Variants in TAF8 observed in about 807,000 individuals in gnomAD.
The protein encoded by TAF8 is TATA-box binding protein associated factor 8, also known as transcription initiation factor TFIID subunit 8.
Under a neutral mutation model 36.5 loss-of-function variants are expected in TAF8, and 47 were observed. The ratio of observed to expected loss-of-function variants is 1.29; its 90% CI spans 1.02 to 1.64. The LOEUF (loss-of-function observed/expected upper bound fraction) is 1.64, where lower values mean the gene tolerates loss of function less well. Ranked by LOEUF, TAF8 falls within the 40% of genes most tolerant of loss-of-function variation. TAF8 has a pLI of 0.00. For missense variants in TAF8, 420 were observed against 407.6 expected (o/e 1.03, Z -0.26); for synonymous variants, 175 against 159.5 (o/e 1.10, Z -0.73).
At chr6:42,070,237 C>G (rs934988861) in intron 7 of TAF8, among the ~76,000 whole-genome samples, 3 of 152,124 alleles carry the variant, frequency 2.0e-5, no homozygotes, top group African/African-American at 7.2e-5. Flanking sequence ...GTCTGTAATC[C>G]TAGCACTTTG....
intron 5 of TAF8, 27 bp from the exon 6 acceptor site, chr6:42,066,285 C>G: frequency 6.2e-7 from 1 of 1,611,756 alleles, no homozygotes; most frequent in East Asian, 2.2e-5. Flanking sequence ...CGGCATCACC[C>G]CAGTGTCTTT....
chr6:42,069,252 T>C (rs1183416566), intron 7 of TAF8, among the ~76,000 whole-genome samples: 2 of 152,076 alleles, frequency 1.3e-5, no homozygotes, highest in East Asian at 3.9e-4. Flanking sequence ...CCACTGGAGA[T>C]GTTGAGCAGA....
At chr6:42,054,373 A>G (rs935746244) in intron 2 of TAF8, among the ~76,000 whole-genome samples, 1 of 152,174 alleles carries the variant, frequency 6.6e-6, no homozygotes, top group Non-Finnish European at 1.5e-5. Context: ...TAAGTGTACA[A>G]TTCAGTGGTA....
At position 42,079,822 on chromosome 6, in the gene TAF8, G is replaced by C. The variant is rs1765868474; in HGVS notation, c.*2277G>C. On this transcript the variant is annotated 3_prime_UTR_variant, in exon 9 of 9. Coordinates refer to ENST00000372977, the MANE Select transcript of TAF8 (RefSeq NM_138572.3). ...ACCCGCCTTGGCCTTCCAAAGTGTT[G>C]AGATTACAGGCGTGAGCCACGGTGC... 2 of 983,656 alleles carry C rather than the reference G, an allele frequency of 2.0e-6. No individual in the cohort carries two copies. The highest frequency in any genetic ancestry group is 2.4e-6 in the Non-Finnish European group (2 of 829,186). 60.9% of individuals were successfully genotyped at this position (983,656 alleles called of 1,614,324 possible). A position where few individuals can be genotyped will look rare whatever the true frequency, so the allele number is the denominator to read the frequency against.
chr6:42,065,654 TC>T (rs1765335195), intron 5 of TAF8, among the ~76,000 whole-genome samples: 2 of 152,256 alleles, frequency 1.3e-5, no homozygotes, highest in East Asian at 3.9e-4. Context: ...GAACCTGTGG[TC>T]CCCATCAGGG....
At chr6:42,055,691 G>T (rs1764960252) in intron 3 of TAF8, 62 bp downstream of exon 3, 1 of 1,288,094 alleles carries the variant, frequency 7.8e-7, no homozygotes. Context: ...CTAGGAATCA[G>T]GCATGTCTGC....
rs1168002742 is a variant in TAF8, at chr6:42,061,183, T to C, written c.489+3670T>C. Among the ~76,000 whole-genome samples, 4 of 152,230 alleles carry C rather than the reference T, an allele frequency of 2.6e-5. No homozygotes were observed. In the East Asian group the frequency reaches 7.7e-4, roughly 29 times the overall value. The stretch of plus-strand genomic sequence containing the variant: ...GGATGACAAAAGTCTATAGCCACTA[T>C]TAAAGCTACAATTGACTAGGAATTT... On this transcript the variant is annotated intron_variant, in intron 5 of 8. Transcript: ENST00000372977.
At chr6:42,064,032 A>T (rs1765272001) in intron 5 of TAF8, among the ~76,000 whole-genome samples, 1 of 152,228 alleles carries the variant, frequency 6.6e-6, no homozygotes, top group South Asian at 2.1e-4. Context: ...CATCACAAAC[A>T]TATGTAACAT....
rs187162114 is a variant in TAF8, at chr6:42,082,384, T to G, written c.*4839T>G. On this transcript the variant is annotated 3_prime_UTR_variant, in exon 9 of 9. Transcript: ENST00000372977. Reference sequence around the variant, plus strand: ...GTCTTGCTCTATCGCCTAGGCTGGATGGAGTGCAGTGGAGCGATCCCAGCT... The same window carrying G: ...GTCTTGCTCTATCGCCTAGGCTGGAGGGAGTGCAGTGGAGCGATCCCAGCT... The G allele has an allele frequency of 6.6e-6, 1 of 152,380 alleles. No homozygotes were observed. The highest frequency in any genetic ancestry group is 1.9e-4 in the East Asian group (1 of 5,192). The allele number at this position is 152,380 out of a possible 1,614,324, so 9.4% of individuals were successfully genotyped here.
At position 42,050,779 on chromosome 6, in the gene TAF8, C is replaced by A. The variant is rs1323795647; in HGVS notation, c.45+193C>A. The A allele has an allele frequency of 4.4e-6, 4 of 916,256 alleles. No individual in the cohort carries two copies. In the East Asian group the frequency reaches 1.3e-4, roughly 29 times the overall value. 56.8% of individuals were successfully genotyped at this position (916,256 alleles called of 1,614,324 possible). A position where few individuals can be genotyped will look rare whatever the true frequency, so the allele number is the denominator to read the frequency against. On this transcript the variant is annotated intron_variant, in intron 1 of 8. Transcript: ENST00000372977. Reference sequence around the variant, plus strand: ...GCCTCCGGAGTTGGCGGACCTGTGTCTTGATTGGCTCGTTCGCTGTTGGGG... The same window carrying A: ...GCCTCCGGAGTTGGCGGACCTGTGTATTGATTGGCTCGTTCGCTGTTGGGG...
In TAF8 at chr6:42,080,895, T is replaced by G; in HGVS notation, c.*3350T>G. The G allele has an allele frequency of 1.0e-6, 1 of 982,072 alleles. No homozygotes were observed. Among genetic ancestry groups the G allele is most frequent in the Non-Finnish European group, 1.2e-6 (1 of 826,894 alleles). The allele number at this position is 982,072 out of a possible 1,614,324, so 60.8% of individuals were successfully genotyped here. On this transcript the variant is annotated 3_prime_UTR_variant, in exon 9 of 9. Transcript: ENST00000372977. ...CAATAAAAATTCATAATAAAAACTT[T>G]GTAAATAAATAGAACTGTAAGCTTT...
Position 42,079,054 on chromosome 6 carries a change from G to T in TAF8, c.*1509G>T. On this transcript the variant is annotated 3_prime_UTR_variant, in exon 9 of 9. Transcript: ENST00000372977. ...GGAGAATCACTTGAACCTGGGAGGC[G>T]GAGGTTGCAGTGAGCCGAGATCGTG... The T allele has an allele frequency of 1.5e-6, 1 of 658,816 alleles. No homozygotes were observed. Among genetic ancestry groups the T allele is most frequent in the African/African-American group, 2.0e-5 (1 of 50,830 alleles). 40.8% of individuals were successfully genotyped at this position (658,816 alleles called of 1,614,324 possible). A position where few individuals can be genotyped will look rare whatever the true frequency, so the allele number is the denominator to read the frequency against.
In TAF8 at chr6:42,051,429, G is replaced by A; in HGVS notation, c.118G>A (p.Val40Ile). 3 of 1,614,142 alleles carry A rather than the reference G, an allele frequency of 1.9e-6. No homozygotes were observed. Among genetic ancestry groups the A allele is most frequent in the Non-Finnish European group, 2.5e-6 (3 of 1,180,012 alleles). The change falls in exon 2 of 9, where the codon GTT becomes ATT. Residue 40 changes from valine to isoleucine, a missense_variant. By Grantham distance (29) the Val-to-Ile change is conservative. Transcript: ENST00000372977. Reference sequence around the variant, plus strand: ...GGCCCGGAGGAGAACCCTGCAGGTGGTTGTGAGCTCCTTGCTGACAGAGGC... The same window carrying A: ...GGCCCGGAGGAGAACCCTGCAGGTGATTGTGAGCTCCTTGCTGACAGAGGC... ...HLARRRTLQV[V>I]VSSLLTEAGF...
At chr6:42,066,505 C>T in intron 6 of TAF8, 46 bp downstream of exon 6, 2 of 1,598,490 alleles carry the variant, frequency 1.3e-6, no homozygotes, top group Non-Finnish European at 1.7e-6. Flanking sequence ...TTGAAACACT[C>T]ACATTATCTT....
At chr6:42,060,100 C>T (rs1211343390) in intron 5 of TAF8, among the ~76,000 whole-genome samples, 1 of 152,070 alleles carries the variant, frequency 6.6e-6, no homozygotes, top group Non-Finnish European at 1.5e-5. Flanking sequence ...AGTGAAACAG[C>T]CCACTATAAG....
At chr6:42,068,167 G>T (rs1765431502) in intron 6 of TAF8, among the ~76,000 whole-genome samples, 1 of 152,162 alleles carries the variant, frequency 6.6e-6, no homozygotes, top group Non-Finnish European at 1.5e-5. Flanking sequence ...TTGGCAAAAA[G>T]TAGATTCTGA....
downstream of TAF8, chr6:42,086,761 G>A (rs569851640): frequency 3.2e-6 from 5 of 1,550,902 alleles, no homozygotes; most frequent in East Asian, 2.4e-5. Context: ...GCCCTAAGCT[G>A]CCAAGTGCTC....
chr6:42,066,732 T>C (rs1024864818), intron 6 of TAF8, among the ~76,000 whole-genome samples: 9 of 152,182 alleles, frequency 5.9e-5, no homozygotes, highest in African/African-American at 2.2e-4. Context: ...AGACACTTGG[T>C]GGCAGCCCAG....
intron 2 of TAF8, among the ~76,000 whole-genome samples, chr6:42,054,142 C>T (rs1185046875): frequency 6.6e-6 from 1 of 152,098 alleles, no homozygotes. Flanking sequence ...TCAGAGTATT[C>T]ATGAAACCTC....
Sources: allele counts gnomAD v4.1 joint callset (sites outside exome capture counted in the v4.1 genomes callset), GRCh38; gene constraint gnomAD v4.1.1; transcripts MANE v1.5; gene names NCBI Gene and HGNC (gene_info 2026-07-23, HGNC 2026-07-21).